Variants in CSNK1G3 observed in about 807,000 individuals in gnomAD.
CSNK1G3 encodes casein kinase I isoform gamma-3.
Under a neutral mutation model 64.3 loss-of-function variants are expected in CSNK1G3, and 23 were observed. The observed-to-expected ratio is 0.36, with a 90% CI of 0.26 to 0.51. The LOEUF (loss-of-function observed/expected upper bound fraction) is 0.51, where lower values mean the gene tolerates loss of function less well. Ranked by LOEUF, CSNK1G3 falls within the 20% of genes least tolerant of loss-of-function variation. The probability of loss-of-function intolerance (pLI) is 0.96; values close to 1 mark genes in which losing one functional copy is unlikely to be tolerated. For synonymous variants in CSNK1G3, 158 were observed against 162.2 expected, an observed-to-expected ratio of 0.97 and a Z score of 0.20; for missense variants, 357 against 510.5, an observed-to-expected ratio of 0.70 and a Z score of 2.90.
chr5:123,523,258 A>T (rs1190362323), intron 1 of CSNK1G3, among the ~76,000 whole-genome samples: 3 of 152,032 alleles, frequency 2.0e-5, no homozygotes, highest in Non-Finnish European at 4.4e-5. Context: ...CATATAGTTT[A>T]TATTGTTTAT....
Position 123,549,810 on chromosome 5 carries a change from A to G in CSNK1G3, c.179-3297A>G, listed in dbSNP as rs191436092. On this transcript the variant is annotated intron_variant, in intron 2 of 12. Coordinates refer to ENST00000345990, the Ensembl canonical transcript of CSNK1G3. Reference sequence around the variant, plus strand: ...TTGTGCTCTGTGGCCACATCTGTCTATCATAAAAGAGCACAGAAGAGAATA... The same window carrying G: ...TTGTGCTCTGTGGCCACATCTGTCTGTCATAAAAGAGCACAGAAGAGAATA... Among the ~76,000 whole-genome samples, 7 of 152,354 alleles carry G rather than the reference A, an allele frequency of 4.6e-5. No homozygotes were observed. The East Asian group carries it at 1.4e-3, about 29-fold the overall frequency.
chr5:123,561,174 C>CTATTGCTA (rs1165046468), intron 4 of CSNK1G3, among the ~76,000 whole-genome samples: 1 of 152,106 alleles, frequency 6.6e-6, no homozygotes, highest in Non-Finnish European at 1.5e-5. Flanking sequence ...TAGGATTAGA[C>CTATTGCTA]TATTGTTTTA....
chr5:123,596,258 A>G (rs751159453), intron 10 of CSNK1G3, among the ~76,000 whole-genome samples: 2 of 152,116 alleles, frequency 1.3e-5, no homozygotes, highest in Non-Finnish European at 2.9e-5. Flanking sequence ...GAGTAGATCT[A>G]TAAAAGTCTA....
chr5:123,597,233 C>A (rs1793605551), intron 10 of CSNK1G3, among the ~76,000 whole-genome samples: 1 of 152,086 alleles, frequency 6.6e-6, no homozygotes, highest in African/African-American at 2.4e-5. Flanking sequence ...GTCATTAAAT[C>A]ACCTGTTGAA....
chr5:123,546,761 C>G (rs1782600169), intron 2 of CSNK1G3, among the ~76,000 whole-genome samples: 1 of 152,054 alleles, frequency 6.6e-6, no homozygotes, highest in African/African-American at 2.4e-5. Context: ...TATTCAACTA[C>G]TTCTTCTTTT....
At chr5:123,556,328 A>G (rs1784614022) in intron 3 of CSNK1G3, among the ~76,000 whole-genome samples, 1 of 152,098 alleles carries the variant, frequency 6.6e-6, no homozygotes, top group Non-Finnish European at 1.5e-5. Flanking sequence ...TAACCTCATC[A>G]ATTCTGGAAT....
intron 4 of CSNK1G3, among the ~76,000 whole-genome samples, chr5:123,563,913 T>C (rs1786290659): frequency 6.6e-6 from 1 of 152,122 alleles, no homozygotes. Context: ...GTCAGTAGTG[T>C]AAACTTAATC....
intron 8 of CSNK1G3, among the ~76,000 whole-genome samples, chr5:123,589,055 A>G (rs11738688): frequency 0.23 from 34,623 of 152,036 alleles, 4,222 homozygotes; most frequent in African/African-American, 0.29. Flanking sequence ...TTTACTTAAG[A>G]TTTCTACATC....
chr5:123,593,079 T>G (rs1169772971), intron 10 of CSNK1G3, among the ~76,000 whole-genome samples: 1 of 151,902 alleles, frequency 6.6e-6, no homozygotes, highest in Non-Finnish European at 1.5e-5. Context: ...TGTTTTAGAC[T>G]TTTAGTTTTC....
chr5:123,584,205 A>G (rs1260057410), intron 6 of CSNK1G3, among the ~76,000 whole-genome samples: 2 of 152,210 alleles, frequency 1.3e-5, no homozygotes, highest in African/African-American at 4.8e-5. Context: ...TTCCAGTACA[A>G]TACTGAATAG....
At chr5:123,537,744 T>C (rs1781078195) in intron 1 of CSNK1G3, among the ~76,000 whole-genome samples, 1 of 152,060 alleles carries the variant, frequency 6.6e-6, no homozygotes, top group Non-Finnish European at 1.5e-5. Flanking sequence ...GTTTGATGAG[T>C]TTTGGCAAAT....
chr5:123,542,849 A>AGTGTGTGTGT (rs66645709), intron 1 of CSNK1G3, among the ~76,000 whole-genome samples: 2,706 of 134,844 alleles, frequency 0.02, 88 homozygotes, highest in African/African-American at 0.067. Context: ...GCCTAGATTT[A>AGTGTGTGTGT]GTGTGTGTGT....
chr5:123,607,692 T>C (rs934780209), intron 12 of CSNK1G3, among the ~76,000 whole-genome samples: 5 of 152,312 alleles, frequency 3.3e-5, no homozygotes, highest in East Asian at 3.9e-4. Context: ...CACTGAATTA[T>C]ATATTTTGAA....
chr5:123,606,593 G>T (rs1056882768), intron 12 of CSNK1G3, among the ~76,000 whole-genome samples: 1 of 152,100 alleles, frequency 6.6e-6, no homozygotes, highest in South Asian at 2.1e-4. Context: ...CACACGGCAG[G>T]TACTCAATAG....
chr5:123,579,908 TTTG>T (rs1227048811), intron 6 of CSNK1G3, among the ~76,000 whole-genome samples: 2 of 151,930 alleles, frequency 1.3e-5, no homozygotes, highest in Non-Finnish European at 2.9e-5. Context: ...GATAAAAAAT[TTTG>T]TTTCTAAGAT....
chr5:123,561,321 A>T (rs1581136638), intron 4 of CSNK1G3, among the ~76,000 whole-genome samples: 2 of 152,330 alleles, frequency 1.3e-5, no homozygotes, highest in Admixed American at 6.5e-5. Flanking sequence ...TTTTAAAGCT[A>T]AAGAAATGGA....
intron 1 of CSNK1G3, among the ~76,000 whole-genome samples, chr5:123,524,442 GCTTA>G (rs1778683980): frequency 2.0e-5 from 3 of 152,072 alleles, no homozygotes; most frequent in Admixed American, 6.5e-5. Context: ...ACATATCTTG[GCTTA>G]CTTTTTTAAT....
intron 1 of CSNK1G3, among the ~76,000 whole-genome samples, chr5:123,525,056 G>A (rs1041579556): frequency 3.3e-5 from 5 of 152,128 alleles, no homozygotes; most frequent in Admixed American, 1.3e-4. Flanking sequence ...CTTTGTGCTC[G>A]GAAAGCACTA....
At chr5:123,547,367 TACAC>T (rs919774976) in intron 2 of CSNK1G3, among the ~76,000 whole-genome samples, 2 of 151,842 alleles carry the variant, frequency 1.3e-5, no homozygotes, top group Non-Finnish European at 2.9e-5. Context: ...TCAAAATAAC[TACAC>T]ACACACACAG....
Sources: allele counts gnomAD v4.1 joint callset (sites outside exome capture counted in the v4.1 genomes callset), GRCh38; gene constraint gnomAD v4.1.1; transcripts MANE v1.5; gene names NCBI Gene and HGNC (gene_info 2026-07-23, HGNC 2026-07-21).